The following TTBK2 variants were observed in gnomAD, a reference collection of about 807,000 sequenced individuals.
TTBK2 encodes the protein tau-tubulin kinase 2.
A neutral mutation model predicts 110.8 loss-of-function variants in TTBK2; 28 were observed. The ratio of observed to expected loss-of-function variants is 0.25; its 90% confidence interval spans 0.19 to 0.35. The LOEUF is 0.35. Among genes scored for constraint, TTBK2 ranks in the 10% least tolerant of loss-of-function variants. The probability of loss-of-function intolerance (pLI) is 1.00; values close to 1 mark genes in which losing one functional copy is unlikely to be tolerated. For synonymous variants in TTBK2, 532 were observed against 527.3 expected, an observed-to-expected ratio of 1.01 and a Z score of -0.12; for missense variants, 1,369 against 1,500.3, an observed-to-expected ratio of 0.91 and a Z score of 1.45.
At chr15:42,894,706 A>G (rs1395686558) in intron 1 of TTBK2, among the ~76,000 whole-genome samples, 1 of 152,208 alleles carries the variant, frequency 6.6e-6, no homozygotes, top group East Asian at 1.9e-4. Context: ...GTAAGCCAAG[A>G]TACCATCACT....
intron 9 of TTBK2, among the ~76,000 whole-genome samples, chr15:42,809,788 T>C (rs1891623763): frequency 1.3e-5 from 2 of 152,198 alleles, no homozygotes; most frequent in South Asian, 2.1e-4. Context: ...GTTTGTATCT[T>C]ATACAAAAGC....
At chr15:42,812,034 T>C (rs184170287) in intron 7 of TTBK2, among the ~76,000 whole-genome samples, 1 of 152,250 alleles carries the variant, frequency 6.6e-6, no homozygotes, top group Admixed American at 6.5e-5. Context: ...GGAAGTAATA[T>C]AACAGCCCAT....
In TTBK2 at chr15:42,815,958, A is replaced by AATATATATATATATAT. The variant is rs1555427628; in HGVS notation, c.603+1058_603+1073dup. 3.1e-3 allele frequency among the ~76,000 whole-genome samples: 286 copies of AATATATATATATATAT among 91,676 alleles called. 7 individuals carry two copies. The highest frequency in any genetic ancestry group is 0.011 in the African/African-American group (182 of 16,130). 60.1% of individuals were successfully genotyped at this position (91,676 alleles called of 152,430 possible). ...TATATATATATATATTTAAAAAAAA[A>AATATATATATATATAT]ATATATATATATATATATATTTGAG... On this transcript the variant is annotated intron_variant, in intron 7 of 14. Transcript: ENST00000267890.
chr15:42,883,126 A>G (rs1244499341), intron 1 of TTBK2, among the ~76,000 whole-genome samples: 1 of 152,192 alleles, frequency 6.6e-6, no homozygotes, highest in Non-Finnish European at 1.5e-5. Flanking sequence ...TCACACCTGT[A>G]ATCCCAACAC....
chr15:42,818,516 G>A (rs1204332393), intron 6 of TTBK2, among the ~76,000 whole-genome samples: 2 of 152,052 alleles, frequency 1.3e-5, no homozygotes, highest in African/African-American at 4.8e-5. Context: ...TCAGAAGATA[G>A]AGACCATCCT....
rs1222499027 is a variant in TTBK2 at position 42,788,365 on chromosome 15, CTA to C, written c.981-4732_981-4731del. ...GGCCCCTGGGCAGGAGGTATAGTCT[CTA>C]TCATCAAGGTATAGAGTTCAGAAAA... is the stretch of plus-strand genomic sequence containing the variant. On this transcript the variant is annotated intron_variant, in intron 10 of 14. Coordinates refer to ENST00000267890, the MANE Select transcript of TTBK2 (RefSeq NM_173500.4). 2.6e-5 allele frequency among the ~76,000 whole-genome samples: 4 copies of C among 152,128 alleles called. No individual in the cohort carries two copies. In the East Asian group the frequency reaches 7.7e-4, roughly 29 times the overall value.
At chr15:42,890,309 C>T (rs1327064736) in intron 1 of TTBK2, among the ~76,000 whole-genome samples, 1 of 152,202 alleles carries the variant, frequency 6.6e-6, no homozygotes, top group African/African-American at 2.4e-5. Context: ...AGCCTTGTTG[C>T]TCACACAAAC....
intron 3 of TTBK2, among the ~76,000 whole-genome samples, chr15:42,864,640 C>G (rs768407147): frequency 6.6e-6 from 1 of 151,812 alleles, no homozygotes; most frequent in East Asian, 1.9e-4. Context: ...AGATTCTGTA[C>G]CCCCCAAAAT....
intron 9 of TTBK2, among the ~76,000 whole-genome samples, chr15:42,795,086 T>A (rs919872080): frequency 6.6e-6 from 1 of 152,232 alleles, no homozygotes; most frequent in Non-Finnish European, 1.5e-5. Context: ...ATGTGTGTTG[T>A]GTGTAAGTGT....
At chr15:42,879,167 A>C (rs183867061) in intron 1 of TTBK2, among the ~76,000 whole-genome samples, 77 of 152,330 alleles carry the variant, frequency 5.1e-4, no homozygotes, top group Non-Finnish European at 2.5e-4. Flanking sequence ...TCATTCAAGG[A>C]CATTGTAAGA....
At chr15:42,805,635 T>G (rs1891432539) in intron 9 of TTBK2, among the ~76,000 whole-genome samples, 1 of 152,174 alleles carries the variant, frequency 6.6e-6, no homozygotes, top group South Asian at 2.1e-4. Flanking sequence ...CTATTACTTC[T>G]CTCAAGTCAA....
intron 3 of TTBK2, chr15:42,855,070 CAAA>C (rs1893874345): frequency 6.6e-6 from 1 of 152,050 alleles, no homozygotes; most frequent in African/African-American, 2.4e-5. Context: ...AAAGAAAATA[CAAA>C]TTTATTTCTT....
At chr15:42,761,188 G>T (rs2062020498) in intron 13 of TTBK2, among the ~76,000 whole-genome samples, 1 of 152,088 alleles carries the variant, frequency 6.6e-6, no homozygotes, top group African/African-American at 2.4e-5. Flanking sequence ...AGCTCAAAAT[G>T]GATTAAAGAC....
Position 42,775,318 on chromosome 15 carries a change from T to C in TTBK2, c.1815A>G (p.Glu605=), listed in dbSNP as rs756437771. The C allele has an allele frequency of 2.5e-6, 4 of 1,614,074 alleles. No homozygotes were observed. In the African/African-American group the frequency reaches 5.3e-5, roughly 22 times the overall value. The change falls in exon 13 of 15, where the codon GAA becomes GAG. Residue 605 remains glutamate (E), a synonymous_variant. Coordinates refer to ENST00000267890, the MANE Select transcript of TTBK2 (RefSeq NM_173500.4). The part of the protein sequence containing the change: ...DEKLQLGPWA[E]NDHLKKETSG... ...AGGTTTCCTTCTTTAAATGATCATT[T>C]TCTGCCCAAGGACCTAACTGGAGCT...
chr15:42,880,436 G>A (rs1894995209), intron 1 of TTBK2, among the ~76,000 whole-genome samples: 1 of 152,110 alleles, frequency 6.6e-6, no homozygotes, highest in Admixed American at 6.5e-5. Context: ...ACCCAGGTTG[G>A]AGTGCAGTGG....
At chr15:42,795,889 A>G (rs948179553) in intron 9 of TTBK2, among the ~76,000 whole-genome samples, 1 of 152,020 alleles carries the variant, frequency 6.6e-6, no homozygotes, top group East Asian at 1.9e-4. Flanking sequence ...TAAGTGGTCA[A>G]TAGATGCCAT....
At chr15:42,879,066 G>T (rs1031883254) in intron 1 of TTBK2, among the ~76,000 whole-genome samples, 2 of 152,174 alleles carry the variant, frequency 1.3e-5, no homozygotes, top group Non-Finnish European at 2.9e-5. Flanking sequence ...TTGTAACTTA[G>T]AGCTTAATAT....
chr15:42,884,021 G>T (rs183621980), intron 1 of TTBK2, among the ~76,000 whole-genome samples: 8 of 152,108 alleles, frequency 5.3e-5, no homozygotes, highest in African/African-American at 1.9e-4. Context: ...AAAATCACTG[G>T]AGATAAAAAG....
At position 42,745,755 on chromosome 15, in the gene TTBK2, A is replaced by C; in HGVS notation, c.*40T>G. On this transcript the variant is annotated 3_prime_UTR_variant, in exon 15 of 15. Coordinates refer to ENST00000267890, the MANE Select transcript of TTBK2 (RefSeq NM_173500.4). The stretch of plus-strand genomic sequence containing the variant: ...GGGACACACATGCATCAGGTTTAGG[A>C]GGAAGATCTCACACCTTTCAAAGAG... 2 of 1,609,570 alleles carry C rather than the reference A, an allele frequency of 1.2e-6. No homozygotes were observed. The highest frequency in any genetic ancestry group is 1.7e-6 in the Non-Finnish European group (2 of 1,176,854).
Sources: allele counts gnomAD v4.1 joint callset (sites outside exome capture counted in the v4.1 genomes callset), GRCh38; gene constraint gnomAD v4.1.1; transcripts MANE v1.5; gene names NCBI Gene and HGNC (gene_info 2026-07-23, HGNC 2026-07-21).